HOMER1: variants seen among roughly 807,000 people sequenced by gnomAD.
HOMER1 encodes homer scaffold protein 1.
HOMER1 carries 3 observed loss-of-function variants against 48.9 expected under a neutral mutation model. The ratio of observed to expected loss-of-function variants is 0.06; its 90% CI spans 0.03 to 0.16. The LOEUF is 0.16. Among genes scored for constraint, HOMER1 ranks in the 10% least tolerant of loss-of-function variants. The pLI is 1.00. For missense variants in HOMER1, 247 were observed against 411.4 expected, an observed-to-expected ratio of 0.60 and a Z score of 3.46; for synonymous variants, 134 against 146.4, an observed-to-expected ratio of 0.92 and a Z score of 0.61.
intron 1 of HOMER1, among the ~76,000 whole-genome samples, chr5:79,488,294 C>T (rs1752175203): frequency 6.6e-6 from 1 of 152,194 alleles, no homozygotes; most frequent in Non-Finnish European, 1.5e-5. Context: ...GGGGTCCTGA[C>T]GCAGCTAAGT....
chr5:79,463,948 G>A (rs910806738), intron 1 of HOMER1, among the ~76,000 whole-genome samples: 2 of 152,172 alleles, frequency 1.3e-5, no homozygotes, highest in African/African-American at 4.8e-5. Context: ...TTAGAGCTAT[G>A]GAGGCAACCA....
intron 5 of HOMER1, among the ~76,000 whole-genome samples, chr5:79,422,487 G>A (rs1750128023): frequency 6.6e-6 from 1 of 151,870 alleles, no homozygotes; most frequent in South Asian, 2.1e-4. Context: ...AGAAGCAAGG[G>A]ATTAAAGTTC....
At chr5:79,510,344 C>A (rs1440137654) in intron 1 of HOMER1, 28 of 487,256 alleles carry the variant, frequency 5.7e-5, no homozygotes, top group Non-Finnish European at 9.2e-5. Context: ...TGCTAACTTT[C>A]CCACTTTAAA....
intron 5 of HOMER1, among the ~76,000 whole-genome samples, chr5:79,435,037 T>A (rs1454265610): frequency 6.6e-6 from 1 of 152,194 alleles, no homozygotes; most frequent in African/African-American, 2.4e-5. Context: ...CATTTTTTCA[T>A]AACTGTTGAA....
intron 1 of HOMER1, among the ~76,000 whole-genome samples, chr5:79,510,207 A>T (rs1373564900): frequency 6.6e-6 from 1 of 151,924 alleles, no homozygotes; most frequent in Non-Finnish European, 1.5e-5. Flanking sequence ...AAAAAAAAAT[A>T]GCACCACAAA....
At chr5:79,390,167 T>TCC (rs1181686565) in intron 8 of HOMER1, among the ~76,000 whole-genome samples, 4 of 152,030 alleles carry the variant, frequency 2.6e-5, no homozygotes, top group African/African-American at 9.7e-5. Flanking sequence ...ACACATGTAG[T>TCC]CCCAGCTCCT....
chr5:79,392,557 T>TA (rs1404492797), intron 8 of HOMER1, among the ~76,000 whole-genome samples: 1 of 152,144 alleles, frequency 6.6e-6, no homozygotes, highest in Non-Finnish European at 1.5e-5. Context: ...AGTAAAAAGT[T>TA]AAAAAAATTT....
intron 5 of HOMER1, among the ~76,000 whole-genome samples, chr5:79,407,906 C>T (rs1749708892): frequency 1.3e-5 from 2 of 152,152 alleles, no homozygotes; most frequent in Admixed American, 1.3e-4. Context: ...GTTCCAGTTA[C>T]ACATGGTCAA....
chr5:79,437,539 CACA>C (rs1403590800), intron 5 of HOMER1, among the ~76,000 whole-genome samples: 1 of 152,090 alleles, frequency 6.6e-6, no homozygotes, highest in Non-Finnish European at 1.5e-5. Flanking sequence ...ATCGTTATAC[CACA>C]ACAATAAATC....
intron 6 of HOMER1, among the ~76,000 whole-genome samples, chr5:79,399,437 T>C (rs1580424270): frequency 6.6e-6 from 1 of 152,302 alleles, no homozygotes; most frequent in African/African-American, 2.4e-5. Context: ...GAGATGACAG[T>C]TTGAAGTTCT....
At chr5:79,396,339 T>A (rs1408328635) in intron 8 of HOMER1, among the ~76,000 whole-genome samples, 2 of 151,868 alleles carry the variant, frequency 1.3e-5, no homozygotes, top group Non-Finnish European at 2.9e-5. Context: ...TTGAATGAAA[T>A]CAATTTGCAA....
intron 5 of HOMER1, among the ~76,000 whole-genome samples, chr5:79,427,805 CTTCCTTCCTTCTT>C (rs1750312772): frequency 7.4e-6 from 1 of 134,618 alleles, no homozygotes; most frequent in African/African-American, 3.3e-5. Flanking sequence ...CCTTCCTTTC[CTTCCTTCCTTCTT>C]TTCCTTCCTT....
chr5:79,461,682 A>G (rs1458294160), intron 1 of HOMER1, among the ~76,000 whole-genome samples: 2 of 152,284 alleles, frequency 1.3e-5, no homozygotes, highest in East Asian at 3.9e-4. Flanking sequence ...ATGAGAATCA[A>G]AAGACAAATT....
chr5:79,400,347 TTTTC>T (rs1312959571), intron 6 of HOMER1, among the ~76,000 whole-genome samples: 12 of 151,796 alleles, frequency 7.9e-5, no homozygotes, highest in African/African-American at 2.4e-4. Flanking sequence ...CTGCATTTCC[TTTTC>T]TTTCTTTTTT....
intron 5 of HOMER1, among the ~76,000 whole-genome samples, chr5:79,421,031 C>G (rs1027833245): frequency 1.3e-5 from 2 of 152,130 alleles, no homozygotes; most frequent in Non-Finnish European, 2.9e-5. Flanking sequence ...ACAAAATACT[C>G]CACAAAGATA....
chr5:79,474,425 T>C (rs761203376), intron 1 of HOMER1, among the ~76,000 whole-genome samples: 2 of 152,014 alleles, frequency 1.3e-5, no homozygotes, highest in Non-Finnish European at 2.9e-5. Context: ...TTTCTGATTA[T>C]CTCAATTCCC....
chr5:79,441,954 T>C (rs1462639920), intron 4 of HOMER1, among the ~76,000 whole-genome samples: 1 of 146,966 alleles, frequency 6.8e-6, no homozygotes, highest in African/African-American at 2.5e-5. Flanking sequence ...CCTACTTCAG[T>C]TATTCTTTTT....
chr5:79,400,081 A>G (rs1280979731), intron 6 of HOMER1, among the ~76,000 whole-genome samples: 1 of 12,578 alleles, frequency 8.0e-5, no homozygotes, highest in Admixed American at 1.6e-3. Context: ...GACAATTGTC[A>G]TAAATTTTTT....
At chr5:79,469,952 T>C (rs935874251) in intron 1 of HOMER1, among the ~76,000 whole-genome samples, 2 of 152,360 alleles carry the variant, frequency 1.3e-5, no homozygotes, top group Middle Eastern at 3.4e-3. Flanking sequence ...GTAGTGTTAA[T>C]ACAACCCAGT....
Sources: allele counts gnomAD v4.1 joint callset (sites outside exome capture counted in the v4.1 genomes callset), GRCh38; gene constraint gnomAD v4.1.1; transcripts MANE v1.5; gene names NCBI Gene and HGNC (gene_info 2026-07-23, HGNC 2026-07-21).